The following PPP2R2B variants were observed in gnomAD, a reference collection of about 807,000 sequenced individuals.
PPP2R2B encodes serine/threonine-protein phosphatase 2A 55 kDa regulatory subunit B beta isoform.
In PPP2R2B, 5 loss-of-function variants were observed where a neutral mutation model predicts 46.0. That is an observed-to-expected ratio of 0.11 (90% CI 0.06 to 0.23). The LOEUF (loss-of-function observed/expected upper bound fraction) is 0.23, where lower values mean the gene tolerates loss of function less well. Ranked by LOEUF, PPP2R2B falls within the 10% of genes least tolerant of loss-of-function variation. PPP2R2B has a pLI of 1.00. For synonymous variants in PPP2R2B, 215 were observed against 206.7 expected (o/e 1.04, Z -0.34); for missense variants, 367 against 575.0 (o/e 0.64, Z 3.70).
chr5:146,914,322 G>A (rs1000313671), intron 1 of PPP2R2B: 3 of 152,160 alleles, frequency 2.0e-5, no homozygotes, highest in Non-Finnish European at 4.4e-5. Flanking sequence ...TCAAGCTTGT[G>A]TAACTTGGAC....
intron 1 of PPP2R2B, among the ~76,000 whole-genome samples, chr5:146,897,368 T>C (rs980309599): frequency 6.6e-6 from 1 of 152,200 alleles, no homozygotes; most frequent in Non-Finnish European, 1.5e-5. Context: ...AAAAAGTTCT[T>C]CCTTTTGAAA....
chr5:146,715,992 G>C (rs776760263), intron 2 of PPP2R2B, among the ~76,000 whole-genome samples: 7 of 152,078 alleles, frequency 4.6e-5, no homozygotes, highest in Non-Finnish European at 1.0e-4. Context: ...CTGACCAACT[G>C]TTCATGCCAT....
intron 1 of PPP2R2B, among the ~76,000 whole-genome samples, chr5:146,900,587 C>CTTCCTTCCTTTCTTCCTTCCTTCT: frequency 8.9e-6 from 1 of 112,322 alleles, no homozygotes; most frequent in East Asian, 3.1e-4. Context: ...TCCTTCCTTC[C>CTTCCTTCCTTTCTTCCTTCCTTCT]TTCCTTCTTT....
At chr5:146,733,321 C>A (rs1200339123) in intron 2 of PPP2R2B, among the ~76,000 whole-genome samples, 1 of 152,088 alleles carries the variant, frequency 6.6e-6, no homozygotes, top group Non-Finnish European at 1.5e-5. Context: ...GGTGCAATGC[C>A]AACATAAATA....
intron 2 of PPP2R2B, among the ~76,000 whole-genome samples, chr5:147,063,046 AGAAGG>A (rs1480173674): frequency 6.9e-6 from 1 of 145,712 alleles, no homozygotes; most frequent in Non-Finnish European, 1.5e-5. Context: ...AGGAAGGAAG[AGAAGG>A]GAAGGGAAGA....
chr5:146,628,317 T>C (rs938271494), intron 7 of PPP2R2B, among the ~76,000 whole-genome samples: 2 of 152,184 alleles, frequency 1.3e-5, no homozygotes, highest in Admixed American at 6.5e-5. Context: ...AGACTGCCCC[T>C]GGACAGGAAG....
At chr5:146,729,906 G>A (rs774904540) in intron 2 of PPP2R2B, among the ~76,000 whole-genome samples, 9 of 152,208 alleles carry the variant, frequency 5.9e-5, no homozygotes, top group Non-Finnish European at 1.0e-4. Flanking sequence ...TGGGGTTGGA[G>A]CCCCCACACA....
At chr5:146,936,866 T>A (rs912026581) in intron 1 of PPP2R2B, among the ~76,000 whole-genome samples, 25 of 144,110 alleles carry the variant, frequency 1.7e-4, no homozygotes, top group African/African-American at 6.7e-4. Flanking sequence ...GAGCCAGGGT[T>A]TTTTTTTTTT....
At chr5:146,842,216 C>T (rs918571577) in intron 2 of PPP2R2B, among the ~76,000 whole-genome samples, 19 of 152,156 alleles carry the variant, frequency 1.2e-4, no homozygotes, top group Admixed American at 5.2e-4. Context: ...ACTGAGGAAT[C>T]GACTTCATGG....
At chr5:146,880,758 G>A (rs867710093), upstream of PPP2R2B, among the ~76,000 whole-genome samples, 7 of 152,236 alleles carry the variant, frequency 4.6e-5, no homozygotes, top group South Asian at 2.1e-4. Flanking sequence ...TCCACAGATC[G>A]AGTCTCTGGG....
chr5:146,886,827 TAA>T (rs530784298), intron 1 of PPP2R2B, among the ~76,000 whole-genome samples: 1 of 143,674 alleles, frequency 7.0e-6, no homozygotes, highest in Non-Finnish European at 1.5e-5. Context: ...ACTTTTTTAG[TAA>T]AAAAAAAAAA....
chr5:146,891,485 G>T (rs904714061), intron 1 of PPP2R2B, among the ~76,000 whole-genome samples: 5 of 152,020 alleles, frequency 3.3e-5, no homozygotes, highest in Non-Finnish European at 5.9e-5. Flanking sequence ...TAGCAGATTT[G>T]CTCTTTTTAA....
intron 2 of PPP2R2B, among the ~76,000 whole-genome samples, chr5:146,725,141 C>G (rs535755746): frequency 6.6e-6 from 1 of 152,290 alleles, no homozygotes; most frequent in East Asian, 1.9e-4. Context: ...CCTTTCCTCA[C>G]TTAGTCATGC....
intron 8 of PPP2R2B, among the ~76,000 whole-genome samples, chr5:146,598,571 C>A (rs1174895075): frequency 6.6e-6 from 1 of 152,154 alleles, no homozygotes; most frequent in Non-Finnish European, 1.5e-5. Flanking sequence ...CTTAACAGAG[C>A]CAAAACCAAA....
At chr5:146,837,490 G>T (rs1759356960) in intron 2 of PPP2R2B, among the ~76,000 whole-genome samples, 1 of 152,196 alleles carries the variant, frequency 6.6e-6, no homozygotes, top group South Asian at 2.1e-4. Context: ...GTGGCTATAA[G>T]GTGGCACAGT....
Position 146,886,340 on chromosome 5 carries a change from A to AAAAAAAATAAAT in PPP2R2B, c.79+169324_79+169325insATTTATTTTTTT, listed in dbSNP as rs141794206. On this transcript the variant is annotated intron_variant, in intron 1 of 8. Coordinates refer to the PPP2R2B transcript ENST00000336640. ...GGCGACAGAACGAGACTCCGTCTCAAAAATAAATAAATAAATAAATAAATA... is the reference window on the plus strand; with the variant it reads ...GGCGACAGAACGAGACTCCGTCTCAAAAAAAAATAAATAAATAAATAAATAAATAAATAAATA... 2.1e-5 allele frequency among the ~76,000 whole-genome samples: 3 copies of AAAAAAAATAAAT among 145,222 alleles called. No individual in the cohort carries two copies. In the South Asian group the frequency reaches 6.7e-4, roughly 32 times the overall value.
chr5:147,016,204 G>A (rs1439193512), intron 1 of PPP2R2B, among the ~76,000 whole-genome samples: 5 of 151,464 alleles, frequency 3.3e-5, no homozygotes, highest in Admixed American at 1.3e-4. Context: ...GGGTGGGCAT[G>A]ATGGTATGCA....
At chr5:146,930,519 G>A (rs1334455351) in intron 1 of PPP2R2B, among the ~76,000 whole-genome samples, 1 of 152,162 alleles carries the variant, frequency 6.6e-6, no homozygotes, top group Non-Finnish European at 1.5e-5. Context: ...GATGGGAAGA[G>A]AGAGGCAATG....
At chr5:146,707,987 TTTTAA>T (rs1472313049) in intron 2 of PPP2R2B, among the ~76,000 whole-genome samples, 3 of 152,354 alleles carry the variant, frequency 2.0e-5, no homozygotes, top group Non-Finnish European at 2.9e-5. Context: ...TTGTAAACAA[TTTTAA>T]TTTGTTTTCA....
Sources: allele counts gnomAD v4.1 joint callset (sites outside exome capture counted in the v4.1 genomes callset), GRCh38; gene constraint gnomAD v4.1.1; transcripts MANE v1.5; gene names NCBI Gene and HGNC (gene_info 2026-07-23, HGNC 2026-07-21).